MGAM2: variants seen among roughly 807,000 people sequenced by gnomAD.
The protein encoded by MGAM2 is probable maltase-glucoamylase 2.
A neutral mutation model predicts 96.1 loss-of-function variants in MGAM2; 98 were observed. The ratio of observed to expected loss-of-function variants is 1.02; its 90% CI spans 0.87 to 1.21. The LOEUF is 1.21. Among genes scored for constraint, MGAM2 ranks in the 50% most tolerant of loss-of-function variants. The pLI, the probability that MGAM2 is intolerant of heterozygous loss-of-function variation, is 0.00. For synonymous variants in MGAM2, 749 were observed against 414.8 expected, an observed-to-expected ratio of 1.81 and a Z score of -9.79; for missense variants, 2,055 against 1,182.4, an observed-to-expected ratio of 1.74 and a Z score of -10.82.
Position 142,158,300 on chromosome 7 carries a change from C to A in MGAM2, c.2131C>A (p.Pro711Thr). 1 of 702,924 alleles carries A rather than the reference C, an allele frequency of 1.4e-6. No homozygotes were observed. The allele number at this position is 702,924 out of a possible 1,614,324, so 43.5% of individuals were successfully genotyped here. The part of the protein sequence containing the change: ...WDVHEQFLWG[P>T]GLLITPVLYE... Reference sequence around the variant, plus strand: ...TGTGCATGAGCAGTTCTTATGGGGACCTGGACTCCTCATCACGCCTGTTTT... The same window carrying A: ...TGTGCATGAGCAGTTCTTATGGGGAACTGGACTCCTCATCACGCCTGTTTT... The change falls in exon 19 of 48, where the codon CCT becomes ACT. Residue 711 changes from proline to threonine, a missense_variant. Transcript: ENST00000477922.
rs181255494 is a variant in MGAM2 at position 142,141,625 on chromosome 7, G to A, written c.1317+506G>A. Reference sequence around the variant, plus strand: ...AGTGATTCTCCTACCTCAGCCTCCCGAGTAGCTGGGATTACAGGCACACGC... The same window carrying A: ...AGTGATTCTCCTACCTCAGCCTCCCAAGTAGCTGGGATTACAGGCACACGC... On this transcript the variant is annotated intron_variant, in intron 12 of 47. Coordinates refer to ENST00000477922, the MANE Select transcript of MGAM2 (RefSeq NM_001293626.2). Among the ~76,000 whole-genome samples, 901 of 151,742 alleles carry A rather than the reference G, an allele frequency of 5.9e-3. 4 individuals carry two copies. Among genetic ancestry groups the A allele is most frequent in the Non-Finnish European group, 0.01 (694 of 67,902 alleles).
intron 3 of MGAM2, among the ~76,000 whole-genome samples, chr7:142,129,755 G>A (rs1794829691): frequency 7.7e-6 from 1 of 130,082 alleles, no homozygotes; most frequent in Non-Finnish European, 1.6e-5. Flanking sequence ...AACCCAGGAG[G>A]CAGAGATTAC....
chr7:142,203,860 A>G (rs1337047432), intron 45 of MGAM2, among the ~76,000 whole-genome samples: 1 of 152,164 alleles, frequency 6.6e-6, no homozygotes, highest in South Asian at 2.1e-4. Flanking sequence ...TGGATTGAAG[A>G]TTTAAATGTA....
At chr7:142,208,356 G>C in intron 45 of MGAM2, 1 of 648,656 alleles carries the variant, frequency 1.5e-6, no homozygotes, top group Non-Finnish European at 2.9e-6. Flanking sequence ...GTAACCTTCT[G>C]ACCTCCCCGG....
rs935872289 is a variant in MGAM2 at position 142,220,932 on chromosome 7, A to G, written c.6421A>G (p.Ile2141Val). ...DVSTSTTINN[I>V]STPVQTNTTN... ...TAGCACTAGTACTACTATTAATAAT[A>G]TAAGTACTCCTGTTCAAACAAATAC... The change falls in exon 48 of 48, where the codon ATA becomes GTA. Residue 2141 changes from isoleucine (I) to valine (V), a missense_variant. Ile to Val is a conservative substitution (Grantham distance 29). Transcript: ENST00000477922. 4 of 701,716 alleles carry G rather than the reference A, an allele frequency of 5.7e-6. No individual in the cohort carries two copies. The highest frequency in any genetic ancestry group is 3.0e-5 in the South Asian group (2 of 67,528). The allele number at this position is 701,716 out of a possible 1,614,324, so 43.5% of individuals were successfully genotyped here. A position where few individuals can be genotyped will look rare whatever the true frequency, so the allele number is the denominator to read the frequency against.
intron 7 of MGAM2, among the ~76,000 whole-genome samples, chr7:142,134,557 C>G (rs1794999864): frequency 6.6e-6 from 1 of 152,062 alleles, no homozygotes; most frequent in Non-Finnish European, 1.5e-5. Context: ...TCATACTGTT[C>G]TAGGTGTTTG....
intron 15 of MGAM2, among the ~76,000 whole-genome samples, chr7:142,150,074 T>C (rs1251244873): frequency 6.6e-6 from 1 of 152,068 alleles, no homozygotes; most frequent in Non-Finnish European, 1.5e-5. Context: ...CCTGAGTAGC[T>C]AGGATTACAG....
chr7:142,187,865 T>C (rs2129096676), intron 36 of MGAM2, 31 bp downstream of exon 36: 1 of 697,262 alleles, frequency 1.4e-6, no homozygotes, highest in Non-Finnish European at 2.6e-6. Context: ...ATCAACTTAC[T>C]TTCCTACTCA....
intron 1 of MGAM2, among the ~76,000 whole-genome samples, chr7:142,113,180 G>A (rs1817233394): frequency 1.3e-5 from 2 of 152,172 alleles, no homozygotes. Context: ...AAGAGGAGAT[G>A]CAAAATCAAC....
chr7:142,213,162 A>C (rs1019584159), intron 46 of MGAM2, among the ~76,000 whole-genome samples: 1 of 152,178 alleles, frequency 6.6e-6, no homozygotes, highest in African/African-American at 2.4e-5. Context: ...ACATATCAAA[A>C]TCTCTGGGAG....
intron 32 of MGAM2, 80 bp downstream of exon 32, chr7:142,175,860 A>G: frequency 1.5e-6 from 1 of 662,370 alleles, no homozygotes; most frequent in Middle Eastern, 2.6e-4. Context: ...GGGAAACTGG[A>G]TGAAGGGTAC....
intron 31 of MGAM2, among the ~76,000 whole-genome samples, 190 bp downstream of exon 31, chr7:142,173,544 G>T (rs1796269288): frequency 6.6e-6 from 1 of 152,034 alleles, no homozygotes; most frequent in Admixed American, 6.6e-5. Context: ...ATTACAAGAT[G>T]AAAAAATCCA....
intron 34 of MGAM2, among the ~76,000 whole-genome samples, chr7:142,185,690 C>T (rs1410227528): frequency 1.3e-5 from 2 of 152,042 alleles, no homozygotes; most frequent in Non-Finnish European, 2.9e-5. Context: ...GTATTTGCAT[C>T]TCTAAAGTTC....
At chr7:142,125,467 C>A (rs563307631) in intron 3 of MGAM2, among the ~76,000 whole-genome samples, 3 of 152,160 alleles carry the variant, frequency 2.0e-5, no homozygotes, top group Admixed American at 1.3e-4. Flanking sequence ...AGACTGACCC[C>A]AGTTTCAGAG....
At chr7:142,204,827 A>G (rs1797347460) in intron 45 of MGAM2, among the ~76,000 whole-genome samples, 1 of 152,114 alleles carries the variant, frequency 6.6e-6, no homozygotes, top group African/African-American at 2.4e-5. Flanking sequence ...GGTTAATAAG[A>G]TAATAAGACA....
intron 26 of MGAM2, among the ~76,000 whole-genome samples, chr7:142,168,319 G>C (rs1316897791): frequency 6.6e-6 from 1 of 151,488 alleles, no homozygotes; most frequent in Non-Finnish European, 1.5e-5. Context: ...GCCCAGGCTG[G>C]AGTGTAGTGG....
intron 45 of MGAM2, among the ~76,000 whole-genome samples, chr7:142,207,401 CATTT>C (rs527841518): frequency 0.011 from 1,626 of 151,822 alleles, 27 homozygotes; most frequent in African/African-American, 0.037. Context: ...GTAAAGGCTA[CATTT>C]ATTTATTTAT....
At position 142,164,930 on chromosome 7, in the gene MGAM2, C is replaced by A; in HGVS notation, c.2559C>A (p.Ile853=). The A allele has an allele frequency of 1.4e-6, 1 of 702,778 alleles. No individual in the cohort carries two copies. The highest frequency in any genetic ancestry group is 2.6e-6 in the Non-Finnish European group (1 of 384,892). 43.5% of individuals were successfully genotyped at this position (702,778 alleles called of 1,614,324 possible). ...ACCTCATGTTCACAGATATCACAAT[C>A]TTGGGAATGGACAAACAGCCAGCTA... ...TDNLMFTDIT[I]LGMDKQPANF... Residue 853 remains isoleucine (I), a synonymous_variant, in exon 24 of 48, where the codon ATC becomes ATA. Transcript: ENST00000477922.
At chr7:142,171,238 C>A in intron 27 of MGAM2, 34 bp from the exon 28 acceptor site, 1 of 701,848 alleles carries the variant, frequency 1.4e-6, no homozygotes, top group South Asian at 1.5e-5. Flanking sequence ...GGCCAGTGGT[C>A]TCCAGCTCAG....
Sources: allele counts gnomAD v4.1 joint callset (sites outside exome capture counted in the v4.1 genomes callset), GRCh38; gene constraint gnomAD v4.1.1; transcripts MANE v1.5; gene names NCBI Gene and HGNC (gene_info 2026-07-23, HGNC 2026-07-21).